The following SNX29 variants were observed in gnomAD, a reference collection of about 807,000 sequenced individuals.
SNX29 encodes the protein sorting nexin 29, also known as sorting nexin-29.
SNX29 carries 78 observed loss-of-function variants against 102.1 expected under a neutral mutation model. The ratio of observed to expected loss-of-function variants is 0.76; its 90% CI spans 0.64 to 0.92. The LOEUF is 0.92. SNX29 is among the 40% of genes least tolerant of loss of function. The pLI is 0.00. For missense variants in SNX29, 1,280 were observed against 1,061.7 expected, an observed-to-expected ratio of 1.21 and a Z score of -2.86; for synonymous variants, 580 against 414.5, an observed-to-expected ratio of 1.40 and a Z score of -4.85.
rs1014879716 is a variant in SNX29, at chr16:12,569,137, G to A, written c.*508G>A. 10 of 123,274 alleles carry A rather than the reference G, an allele frequency of 8.1e-5. No homozygotes were observed. The highest frequency in any genetic ancestry group is 4.2e-4 in the South Asian group (1 of 2,358). 7.6% of individuals were successfully genotyped at this position (123,274 alleles called of 1,614,324 possible). A position where few individuals can be genotyped will look rare whatever the true frequency, so the allele number is the denominator to read the frequency against. ...GCTGGCTTTGCGGGGGGGGGGGGGG[G>A]GGGGGGCATGGTTCCTTTCACTGCA... is the stretch of plus-strand genomic sequence containing the variant. On this transcript the variant is annotated 3_prime_UTR_variant, in exon 21 of 21. Coordinates refer to ENST00000566228, the MANE Select transcript of SNX29 (RefSeq NM_032167.5).
rs917199970 is a variant in SNX29, at chr16:12,571,107, A to G, written c.*2478A>G. The G allele has an allele frequency of 8.6e-6, 2 of 232,424 alleles. No homozygotes were observed. Among genetic ancestry groups the G allele is most frequent in the African/African-American group, 4.4e-5 (2 of 45,292 alleles). The allele number at this position is 232,424 out of a possible 1,614,324, so 14.4% of individuals were successfully genotyped here. ...AACTCCCCGAAGCCTTCCCTTTGGA[A>G]TCCCATAGAATGTTCTGCAATGATT... On this transcript the variant is annotated 3_prime_UTR_variant, in exon 21 of 21. Transcript: ENST00000566228.
chr16:12,479,765 A>C (rs2087821738), intron 19 of SNX29, among the ~76,000 whole-genome samples: 2 of 152,238 alleles, frequency 1.3e-5, no homozygotes, highest in African/African-American at 4.8e-5. Flanking sequence ...AGACATTCTT[A>C]TGTGCAAGAA....
chr16:12,022,136 A>G (rs1408456322), intron 3 of SNX29, among the ~76,000 whole-genome samples: 2 of 123,230 alleles, frequency 1.6e-5, no homozygotes, highest in African/African-American at 3.1e-5. Flanking sequence ...GGTCTAGTTT[A>G]TATACCGTTA....
intron 16 of SNX29, among the ~76,000 whole-genome samples, chr16:12,392,982 C>G (rs2083584589): frequency 6.6e-6 from 1 of 152,202 alleles, no homozygotes; most frequent in African/African-American, 2.4e-5. Flanking sequence ...ATTTCACATT[C>G]TGTTCCTTAT....
rs1261004297 is a variant in SNX29, at chr16:12,572,557, T to C, written c.*3928T>C. ...GGGGGCTGCGACACCATCTGGCTCCTCACAGGGAGGTCCAGCCATGTTCTC... is the reference window on the plus strand; with the variant it reads ...GGGGGCTGCGACACCATCTGGCTCCCCACAGGGAGGTCCAGCCATGTTCTC... On this transcript the variant is annotated 3_prime_UTR_variant, in exon 21 of 21. Transcript: ENST00000566228. 1.9e-6 allele frequency: 2 copies of C among 1,063,624 alleles called. No homozygotes were observed. Among genetic ancestry groups the C allele is most frequent in the South Asian group, 4.6e-5 (1 of 21,968 alleles). The allele number at this position is 1,063,624 out of a possible 1,614,324, so 65.9% of individuals were successfully genotyped here.
chr16:12,555,179 C>G (rs1028179864), intron 20 of SNX29, among the ~76,000 whole-genome samples: 1 of 151,838 alleles, frequency 6.6e-6, no homozygotes, highest in Non-Finnish European at 1.5e-5. Context: ...AGTGGGGTTA[C>G]TCAGGTGTGG....
intron 1 of SNX29, among the ~76,000 whole-genome samples, chr16:11,993,870 C>G (rs994564563): frequency 3.3e-5 from 5 of 152,112 alleles, no homozygotes; most frequent in Non-Finnish European, 5.9e-5. Context: ...CCTGTAATCC[C>G]AACACTTTGG....
At chr16:12,273,335 G>T (rs74711927) in intron 14 of SNX29, among the ~76,000 whole-genome samples, 55 of 91,112 alleles carry the variant, frequency 6.0e-4, no homozygotes, top group East Asian at 1.7e-3. Flanking sequence ...GTGGTTTTTT[G>T]TTTTTTGTTT....
At chr16:12,072,382 T>C (rs2051341829) in intron 10 of SNX29, among the ~76,000 whole-genome samples, 1 of 152,198 alleles carries the variant, frequency 6.6e-6, no homozygotes, top group Admixed American at 6.5e-5. Flanking sequence ...CATGAAGCGT[T>C]GTTGAATTTT....
chr16:12,045,559 C>G (rs2050051960), intron 5 of SNX29, among the ~76,000 whole-genome samples: 2 of 151,306 alleles, frequency 1.3e-5, no homozygotes, highest in Non-Finnish European at 2.9e-5. Flanking sequence ...AGCCTCCTAG[C>G]CTTTTCCAAG....
At chr16:12,227,099 T>C (rs549630330) in intron 14 of SNX29, among the ~76,000 whole-genome samples, 1 of 152,228 alleles carries the variant, frequency 6.6e-6, no homozygotes, top group South Asian at 2.1e-4. Context: ...GGGGCTTTTG[T>C]ACAAGCCAGC....
At chr16:12,545,039 G>A (rs535102528) in intron 20 of SNX29, among the ~76,000 whole-genome samples, 28 of 152,260 alleles carry the variant, frequency 1.8e-4, no homozygotes, top group Non-Finnish European at 3.1e-4. Flanking sequence ...AGCCAGGTCT[G>A]TGATGCCCTG....
chr16:12,282,996 GA>G (rs2079484105), intron 15 of SNX29, among the ~76,000 whole-genome samples: 3 of 152,194 alleles, frequency 2.0e-5, no homozygotes, highest in Non-Finnish European at 2.9e-5. Flanking sequence ...CAACCTGGTA[GA>G]AAGGATTAGA....
intron 14 of SNX29, among the ~76,000 whole-genome samples, chr16:12,261,611 C>T (rs1293175346): frequency 7.5e-6 from 1 of 132,520 alleles, no homozygotes. Flanking sequence ...TTGCTGAGCT[C>T]GGGTCTGTGC....
At chr16:12,444,258 GTAGTAAGCACTCAGTATAGCACCTAGCAT>G in intron 18 of SNX29, among the ~76,000 whole-genome samples, 1 of 20,926 alleles carries the variant, frequency 4.8e-5, no homozygotes, top group Admixed American at 4.4e-4. Flanking sequence ...CACCGAGCAC[GTAGTAAGCACTCAGTATAGCACCTAGCAT>G]GTAGTAAGCA....
intron 13 of SNX29, among the ~76,000 whole-genome samples, chr16:12,134,955 G>C (rs1201338063): frequency 6.6e-6 from 1 of 152,174 alleles, no homozygotes; most frequent in Non-Finnish European, 1.5e-5. Flanking sequence ...AGCCAGAAAA[G>C]CTCATGGTGT....
chr16:12,015,437 C>T (rs1309195994), intron 3 of SNX29, among the ~76,000 whole-genome samples: 6 of 151,860 alleles, frequency 4.0e-5, no homozygotes, highest in African/African-American at 1.5e-4. Flanking sequence ...ATGTAGTTTC[C>T]CTATGTTGGC....
intron 16 of SNX29, among the ~76,000 whole-genome samples, chr16:12,379,210 C>A (rs1272669760): frequency 6.6e-6 from 1 of 152,162 alleles, no homozygotes; most frequent in Non-Finnish European, 1.5e-5. Flanking sequence ...AGTGGTGAGT[C>A]CCTGCAGCCT....
rs547229463 is a variant in SNX29, at chr16:12,442,784, A to T, written c.2038-34935A>T. Among the ~76,000 whole-genome samples the T allele has an allele frequency of 3.3e-5, 5 of 152,044 alleles. No individual in the cohort carries two copies. The South Asian group carries it at 1.0e-3, about 32-fold the overall frequency. On this transcript the variant is annotated intron_variant, in intron 18 of 20. Transcript: ENST00000566228. ...TTTTTCTTTATTATTTGCAGAGACA[A>T]GGTCTCACTATGTTGCCCAGGCTGG...
Sources: gnomAD v4.1 joint callset for allele counts (sites outside exome capture counted in the v4.1 genomes callset) on GRCh38, gnomAD v4.1.1 for gene constraint, MANE v1.5 for transcripts, NCBI Gene and HGNC (gene_info 2026-07-23, HGNC 2026-07-21) for gene names.